MGAT4C: variants seen among roughly 807,000 people sequenced by gnomAD.
MGAT4C encodes the protein MGAT4 family member C.
In MGAT4C, 19 loss-of-function variants were observed where a neutral mutation model predicts 40.1. The observed-to-expected ratio is 0.47, with a 90% CI of 0.33 to 0.70. The LOEUF (loss-of-function observed/expected upper bound fraction) is 0.70, where lower values mean the gene tolerates loss of function less well. Among genes scored for constraint, MGAT4C ranks in the 30% least tolerant of loss-of-function variants. The pLI is 0.02. For synonymous variants in MGAT4C, 181 were observed against 187.1 expected, an observed-to-expected ratio of 0.97 and a Z score of 0.27; for missense variants, 491 against 563.2, an observed-to-expected ratio of 0.87 and a Z score of 1.30.
At chr12:86,436,212 G>C (rs1957134863) in intron 2 of MGAT4C, among the ~76,000 whole-genome samples, 1 of 149,074 alleles carries the variant, frequency 6.7e-6, no homozygotes, top group African/African-American at 2.4e-5. Context: ...TTTTTCATCT[G>C]TATACAGATT....
At chr12:86,087,086 G>A (rs893714200) in intron 1 of MGAT4C, among the ~76,000 whole-genome samples, 5 of 152,052 alleles carry the variant, frequency 3.3e-5, no homozygotes, top group African/African-American at 1.2e-4. Flanking sequence ...TGGACACTTA[G>A]GTTGATTCCA....
intron 1 of MGAT4C, among the ~76,000 whole-genome samples, chr12:86,758,332 T>G (rs987635194): frequency 6.6e-6 from 1 of 150,798 alleles, no homozygotes; most frequent in African/African-American, 2.4e-5. Flanking sequence ...AGCTGCAAAA[T>G]GTTAGAAAAT....
chr12:86,774,441 T>C (rs1195800449), intron 1 of MGAT4C, among the ~76,000 whole-genome samples: 1 of 148,510 alleles, frequency 6.7e-6, no homozygotes, highest in African/African-American at 2.5e-5. Flanking sequence ...TTCTTTTCTG[T>C]TAGCCATGCA....
rs75192815 is a variant in MGAT4C at position 86,746,653 on chromosome 12, T to C, written c.-261-19412A>G. Among the ~76,000 whole-genome samples, 385 of 151,726 alleles carry C rather than the reference T, an allele frequency of 2.5e-3. 1 individual carries two copies. The highest frequency in any genetic ancestry group is 9.0e-3 in the African/African-American group (372 of 41,460). The stretch of plus-strand genomic sequence containing the variant: ...TTAACAAACAACAATAATCATTTTC[T>C]CTTACAATAATCATTTTCTCTTACC... On this transcript the variant is annotated intron_variant, in intron 1 of 7. Transcript: ENST00000548651.
At chr12:86,686,349 C>A (rs185125461) in intron 2 of MGAT4C, among the ~76,000 whole-genome samples, 2 of 152,162 alleles carry the variant, frequency 1.3e-5, no homozygotes, top group East Asian at 3.9e-4. Context: ...TGCCTGATTG[C>A]CTGGGAAGAA....
At chr12:86,379,582 G>A (rs1244297783) in intron 3 of MGAT4C, among the ~76,000 whole-genome samples, 1 of 151,906 alleles carries the variant, frequency 6.6e-6, no homozygotes, top group Non-Finnish European at 1.5e-5. Flanking sequence ...AACGGTACAT[G>A]GCACACAGCA....
intron 3 of MGAT4C, among the ~76,000 whole-genome samples, chr12:86,398,285 G>A (rs890002771): frequency 2.3e-4 from 35 of 152,178 alleles, no homozygotes; most frequent in African/African-American, 8.4e-4. Context: ...TTGATATGTA[G>A]CCACATCACT....
rs139679030 is a variant in MGAT4C, at chr12:86,169,855, A to C, written c.-57+86384T>G. On this transcript the variant is annotated intron_variant, in intron 1 of 4. Coordinates refer to ENST00000611864, the MANE Select transcript of MGAT4C (RefSeq NM_001351288.2). ...AGATATGGAGAAATCAGAATGTTTAAAAAAGTTTATGGAATGAAAAGTATA... is the reference window on the plus strand; with the variant it reads ...AGATATGGAGAAATCAGAATGTTTACAAAAGTTTATGGAATGAAAAGTATA... 5.2e-3 allele frequency among the ~76,000 whole-genome samples: 793 copies of C among 152,350 alleles called. 4 individuals carry two copies. The highest frequency in any genetic ancestry group is 0.01 in the Middle Eastern group (3 of 294).
chr12:86,615,699 A>C (rs996768607), intron 2 of MGAT4C, among the ~76,000 whole-genome samples: 2 of 152,106 alleles, frequency 1.3e-5, no homozygotes, highest in Non-Finnish European at 2.9e-5. Context: ...GCAAATTGGG[A>C]ACATAAAAAA....
At chr12:86,127,323 A>G (rs1880446716) in intron 1 of MGAT4C, among the ~76,000 whole-genome samples, 1 of 152,196 alleles carries the variant, frequency 6.6e-6, no homozygotes, top group Admixed American at 6.5e-5. Context: ...CAGAAAAGGT[A>G]CAATAAAAGT....
rs2136666027 is a variant in MGAT4C, at chr12:85,974,617, T to G, written c.*4672A>C. ...ATGCACATATGCAATAATGAAATCA[T>G]TTCAAAGCATGCCAAAAAGTAATAA... On this transcript the variant is annotated 3_prime_UTR_variant, in exon 5 of 5. Coordinates refer to ENST00000611864, the MANE Select transcript of MGAT4C (RefSeq NM_001351288.2). The G allele has an allele frequency of 6.6e-6, 1 of 150,722 alleles. No individual in the cohort carries two copies. Among genetic ancestry groups the G allele is most frequent in the Admixed American group, 6.6e-5 (1 of 15,064 alleles). The allele number at this position is 150,722 out of a possible 1,614,324, so 9.3% of individuals were successfully genotyped here. A position where few individuals can be genotyped will look rare whatever the true frequency, so the allele number is the denominator to read the frequency against.
intron 2 of MGAT4C, among the ~76,000 whole-genome samples, chr12:86,440,103 G>T (rs1484649067): frequency 6.6e-6 from 1 of 152,008 alleles, no homozygotes; most frequent in East Asian, 1.9e-4. Context: ...GAGAAAGAGG[G>T]AATATTCCTA....
At chr12:86,528,701 C>G (rs2136369882) in intron 2 of MGAT4C, among the ~76,000 whole-genome samples, 1 of 151,854 alleles carries the variant, frequency 6.6e-6, no homozygotes, top group African/African-American at 2.4e-5. Context: ...AATCATAAGT[C>G]CTTCACTTTT....
rs183149939 is a variant in MGAT4C, at chr12:85,964,272, A to G, written c.*15017T>C. The G allele has an allele frequency of 3.9e-4, 59 of 152,252 alleles. No individual in the cohort carries two copies. Among genetic ancestry groups the G allele is most frequent in the African/African-American group, 1.4e-3 (58 of 41,586 alleles). 9.4% of individuals were successfully genotyped at this position (152,252 alleles called of 1,614,324 possible). ...TTCATAGAAATTCTTGGATTTTGAA[A>G]TTAGTTTAATTCCAAAATATTTTCT... On this transcript the variant is annotated 3_prime_UTR_variant, in exon 5 of 5. Coordinates refer to ENST00000611864, the MANE Select transcript of MGAT4C (RefSeq NM_001351288.2).
intron 1 of MGAT4C, among the ~76,000 whole-genome samples, chr12:86,791,590 T>G (rs1952023118): frequency 1.3e-5 from 2 of 152,122 alleles, no homozygotes; most frequent in South Asian, 4.1e-4. Flanking sequence ...GACACACAAA[T>G]TCTAATTTCA....
chr12:86,796,825 A>G (rs566496124), intron 1 of MGAT4C, among the ~76,000 whole-genome samples: 1 of 152,072 alleles, frequency 6.6e-6, no homozygotes, highest in East Asian at 1.9e-4. Flanking sequence ...GAGGAAATGC[A>G]TATGTTAATT....
At chr12:86,770,448 A>G (rs1436185216) in intron 1 of MGAT4C, among the ~76,000 whole-genome samples, 1 of 152,112 alleles carries the variant, frequency 6.6e-6, no homozygotes, top group Non-Finnish European at 1.5e-5. Context: ...ATGTTTCAAG[A>G]AACATTATAT....
intron 4 of MGAT4C, among the ~76,000 whole-genome samples, chr12:86,280,493 T>C (rs1402714750): frequency 1.3e-5 from 2 of 152,068 alleles, no homozygotes; most frequent in Admixed American, 1.3e-4. Context: ...TCAAGATCCA[T>C]GGCCTACCAT....
At chr12:86,820,863 C>A (rs1017928380) in intron 1 of MGAT4C, among the ~76,000 whole-genome samples, 1 of 150,822 alleles carries the variant, frequency 6.6e-6, no homozygotes, top group Non-Finnish European at 1.5e-5. Flanking sequence ...ACTTATCTTA[C>A]ATGTATCTCT....
Sources: allele counts gnomAD v4.1 joint callset (sites outside exome capture counted in the v4.1 genomes callset), GRCh38; gene constraint gnomAD v4.1.1; transcripts MANE v1.5; gene names NCBI Gene and HGNC (gene_info 2026-07-23, HGNC 2026-07-21).